The following SEMA3D variants were observed in gnomAD, a reference collection of about 807,000 sequenced individuals.
SEMA3D encodes semaphorin 3D.
In SEMA3D, 84 loss-of-function variants were observed where a neutral mutation model predicts 100.1. The ratio of observed to expected loss-of-function variants is 0.84; its 90% CI spans 0.70 to 1.01. SEMA3D has a LOEUF of 1.01. Ranked by LOEUF, SEMA3D falls within the 50% of genes least tolerant of loss-of-function variation. The probability of loss-of-function intolerance (pLI) is 0.00; values close to 1 mark genes in which losing one functional copy is unlikely to be tolerated. For missense variants in SEMA3D, 875 were observed against 934.1 expected, an observed-to-expected ratio of 0.94 and a Z score of 0.82; for synonymous variants, 312 against 320.7, an observed-to-expected ratio of 0.97 and a Z score of 0.29.
At chr7:85,207,971 G>A in the SEMA3D span, among the ~76,000 whole-genome samples, 1 of 151,884 alleles carries the variant, frequency 6.6e-6, no homozygotes, top group Non-Finnish European at 1.5e-5. Flanking sequence ...TGCTTTTACT[G>A]ACTTCAGATG....
At chr7:85,091,678 C>T (rs1177883329) in intron 4 of SEMA3D, among the ~76,000 whole-genome samples, 3 of 151,868 alleles carry the variant, frequency 2.0e-5, no homozygotes, top group Non-Finnish European at 4.4e-5. Flanking sequence ...TATGTCGTTT[C>T]GAATAATTTG....
At chr7:85,008,171 T>C (rs1383556380) in intron 17 of SEMA3D, among the ~76,000 whole-genome samples, 1 of 151,750 alleles carries the variant, frequency 6.6e-6, no homozygotes, top group African/African-American at 2.4e-5. Flanking sequence ...TAATAACAGA[T>C]ACAATTTTCC....
chr7:85,086,478 T>C (rs1788216295), intron 4 of SEMA3D, among the ~76,000 whole-genome samples: 1 of 152,022 alleles, frequency 6.6e-6, no homozygotes, highest in Non-Finnish European at 1.5e-5. Context: ...ATTGGCAAAA[T>C]TTTCAATAAT....
upstream of SEMA3D, among the ~76,000 whole-genome samples, chr7:85,190,830 T>C (rs1002643625): frequency 3.3e-5 from 5 of 152,014 alleles, no homozygotes; most frequent in African/African-American, 1.2e-4. Flanking sequence ...TCTTATAAAA[T>C]CATAAATAAT....
At chr7:85,185,216 C>G (rs910891685) in intron 1 of SEMA3D, among the ~76,000 whole-genome samples, 1 of 152,136 alleles carries the variant, frequency 6.6e-6, no homozygotes, top group East Asian at 2.0e-4. Context: ...CCACCCCTGC[C>G]CCCGCGGTTG....
At position 85,054,619 on chromosome 7, in the gene SEMA3D, T is replaced by C. The variant is rs7811875; in HGVS notation, c.861+1098A>G. Among the ~76,000 whole-genome samples the C allele has an allele frequency of 7.3e-3, 1,104 of 152,232 alleles. 13 individuals carry two copies. The highest frequency in any genetic ancestry group is 0.025 in the African/African-American group (1,028 of 41,544). Reference sequence around the variant, plus strand: ...TTGGCCTCATTCAAAAGCCATGTTTTCATTAGCACTTTTAAGTGCAATGAT... The same window carrying C: ...TTGGCCTCATTCAAAAGCCATGTTTCCATTAGCACTTTTAAGTGCAATGAT... On this transcript the variant is annotated intron_variant, in intron 9 of 18. Transcript: ENST00000284136.
the SEMA3D span, among the ~76,000 whole-genome samples, chr7:85,222,898 A>G: frequency 1.3e-5 from 2 of 152,178 alleles, no homozygotes; most frequent in Non-Finnish European, 2.9e-5. Context: ...TTCGCAAACC[A>G]TGCATCGGAC....
At chr7:85,221,284 G>T in the SEMA3D span, among the ~76,000 whole-genome samples, 4 of 152,048 alleles carry the variant, frequency 2.6e-5, no homozygotes, top group African/African-American at 9.7e-5. Flanking sequence ...AGATGCAAAA[G>T]TAGGGGAAAT....
At chr7:85,229,463 C>T in the SEMA3D span, among the ~76,000 whole-genome samples, 6 of 151,798 alleles carry the variant, frequency 4.0e-5, no homozygotes, top group African/African-American at 1.2e-4. Context: ...GTTTCTACAC[C>T]ATTGGATTTT....
rs114707563 is a variant in SEMA3D at position 85,180,258 on chromosome 7, T to C, written c.-173+6420A>G. Among the ~76,000 whole-genome samples the C allele has an allele frequency of 3.7e-3, 563 of 152,196 alleles. 4 individuals are homozygous for C. The highest frequency in any genetic ancestry group is 0.013 in the African/African-American group (543 of 41,510). On this transcript the variant is annotated intron_variant, in intron 1 of 18. Transcript: ENST00000284136. ...ACAAGACATAAGGGTTTTATAAGTG[T>C]TTTTTCCCTCTTTCCCCTGCACTTC...
chr7:85,027,871 A>G, intron 12 of SEMA3D: 1 of 561,866 alleles, frequency 1.8e-6, no homozygotes, highest in South Asian at 1.5e-5. Flanking sequence ...GGCACCACCT[A>G]CTATTATATG....
chr7:85,074,296 G>C (rs906971842), intron 5 of SEMA3D, among the ~76,000 whole-genome samples: 6 of 152,048 alleles, frequency 3.9e-5, no homozygotes, highest in Non-Finnish European at 8.8e-5. Context: ...TGGACCTAAT[G>C]GTCCACTGTT....
At chr7:85,064,326 AAGAT>A (rs1791554767) in intron 8 of SEMA3D, among the ~76,000 whole-genome samples, 1 of 152,232 alleles carries the variant, frequency 6.6e-6, no homozygotes, top group South Asian at 2.1e-4. Context: ...AATGCACAAA[AAGAT>A]AGCTTTGCTT....
At chr7:85,015,038 T>G (rs1426161283) in intron 16 of SEMA3D, 21 bp downstream of exon 16, 5 of 1,598,242 alleles carry the variant, frequency 3.1e-6, no homozygotes, top group Non-Finnish European at 4.3e-6. Context: ...AGCCTTTATA[T>G]TAACTCCATG....
chr7:85,006,096 T>C (rs1789788816), intron 18 of SEMA3D, among the ~76,000 whole-genome samples: 1 of 152,032 alleles, frequency 6.6e-6, no homozygotes, highest in East Asian at 1.9e-4. Flanking sequence ...ATACCCTCAC[T>C]AATAGGGTAT....
At chr7:85,194,903 A>T in the SEMA3D span, among the ~76,000 whole-genome samples, 1 of 152,028 alleles carries the variant, frequency 6.6e-6, no homozygotes, top group Non-Finnish European at 1.5e-5. Flanking sequence ...GACATCAGTT[A>T]TATTGGATTA....
rs141691628 is a variant in SEMA3D, at chr7:84,997,671, C to G, written c.*1769G>C. On this transcript the variant is annotated 3_prime_UTR_variant, in exon 19 of 19. Transcript: ENST00000284136. The stretch of plus-strand genomic sequence containing the variant: ...ATGCTCTCAACATAGAGCCACAGAT[C>G]TTGCATTAAGTTGCCCTCTAATCAC... The G allele has an allele frequency of 3.0e-3, 451 of 152,616 alleles. No individual in the cohort carries two copies. Among genetic ancestry groups the G allele is most frequent in the Middle Eastern group, 0.014 (4 of 294 alleles). The allele number at this position is 152,616 out of a possible 1,614,324, so 9.5% of individuals were successfully genotyped here.
intron 9 of SEMA3D, among the ~76,000 whole-genome samples, chr7:85,042,848 T>C (rs914527485): frequency 1.5e-4 from 23 of 152,130 alleles, no homozygotes; most frequent in Admixed American, 1.5e-3. Flanking sequence ...TGAAATATGG[T>C]TGGTTTGATG....
At chr7:85,176,319 T>C (rs1791224619) in intron 1 of SEMA3D, among the ~76,000 whole-genome samples, 1 of 152,168 alleles carries the variant, frequency 6.6e-6, no homozygotes, top group Non-Finnish European at 1.5e-5. Context: ...CATATTGATC[T>C]TAGTCTTTTC....
Sources: allele counts gnomAD v4.1 joint callset (sites outside exome capture counted in the v4.1 genomes callset), GRCh38; gene constraint gnomAD v4.1.1; transcripts MANE v1.5; gene names NCBI Gene and HGNC (gene_info 2026-07-23, HGNC 2026-07-21).